RABGEF1: variants seen among roughly 807,000 people sequenced by gnomAD.
RABGEF1 encodes the protein rab5 GDP/GTP exchange factor.
In RABGEF1, 26 loss-of-function variants were observed where a neutral mutation model predicts 57.3. That is an observed-to-expected ratio of 0.45 (90% CI 0.33 to 0.63). RABGEF1 has a LOEUF of 0.63. Among genes scored for constraint, RABGEF1 ranks in the 20% least tolerant of loss-of-function variants. The pLI, the probability that RABGEF1 is intolerant of heterozygous loss-of-function variation, is 0.02. For missense variants in RABGEF1, 464 were observed against 607.6 expected, an observed-to-expected ratio of 0.76 and a Z score of 2.48; for synonymous variants, 185 against 210.7, an observed-to-expected ratio of 0.88 and a Z score of 1.06.
At chr7:66,731,553 C>T (rs1797318144) in intron 2 of RABGEF1, among the ~76,000 whole-genome samples, 2 of 150,570 alleles carry the variant, frequency 1.3e-5, no homozygotes, top group South Asian at 4.2e-4. Context: ...CCTGTCTCTC[C>T]AGAAAAAAAA....
intron 1 of RABGEF1, among the ~76,000 whole-genome samples, chr7:66,742,661 C>G (rs913893874): frequency 3.3e-5 from 5 of 152,144 alleles, no homozygotes; most frequent in African/African-American, 1.2e-4. Context: ...GGCTGGAGTA[C>G]AGTGACACGA....
intron 5 of RABGEF1, among the ~76,000 whole-genome samples, chr7:66,795,945 C>T (rs1813931014): frequency 6.6e-6 from 1 of 152,172 alleles, no homozygotes; most frequent in Non-Finnish European, 1.5e-5. Flanking sequence ...TCGAGACCAG[C>T]CTGGCCAACA....
rs1584324820 is a variant in RABGEF1, at chr7:66,809,161, C to T, written c.1353C>T (p.Asp451=). The change falls in exon 9 of 9, where the codon GAC becomes GAT. Residue 451 remains aspartate, a synonymous_variant. Transcript: ENST00000284957. Reference sequence around the variant, plus strand: ...ATGGAATTGCAAGAGAAGTTCAAGACATCGTTGAGAAATACCCACTGGAAA... The same window carrying T: ...ATGGAATTGCAAGAGAAGTTCAAGATATCGTTGAGAAATACCCACTGGAAA... The part of the protein sequence containing the change: ...WTDGIAREVQ[D]IVEKYPLEIK... 6.2e-7 allele frequency: 1 copy of T among 1,614,220 alleles called. No individual in the cohort carries two copies. The highest frequency in any genetic ancestry group is 8.5e-7 in the Non-Finnish European group (1 of 1,180,038).
At chr7:66,749,905 C>T (rs1801039689) in intron 1 of RABGEF1, among the ~76,000 whole-genome samples, 1 of 152,054 alleles carries the variant, frequency 6.6e-6, no homozygotes, top group African/African-American at 2.4e-5. Context: ...ACCTGGGAGG[C>T]GGAGCTTGCA....
At chr7:66,783,636 T>G (rs774562219) in intron 3 of RABGEF1, 39 bp from the exon 4 acceptor site, 5 of 1,533,392 alleles carry the variant, frequency 3.3e-6, no homozygotes, top group Admixed American at 4.0e-5. Flanking sequence ...CATGGATCTT[T>G]TATGTCATGA....
chr7:66,759,050 G>A, intron 1 of RABGEF1, among the ~76,000 whole-genome samples: 1 of 152,132 alleles, frequency 6.6e-6, no homozygotes, highest in Admixed American at 6.5e-5. Context: ...CAATGTATGT[G>A]TATAGTGTCA....
At chr7:66,672,658 A>T in the RABGEF1 span, among the ~76,000 whole-genome samples, 32 of 152,090 alleles carry the variant, frequency 2.1e-4, no homozygotes, top group East Asian at 6.1e-3. Flanking sequence ...TAGCTCCTTC[A>T]GTCTGACATT....
At chr7:66,701,709 A>T (rs962257930) in intron 1 of RABGEF1, among the ~76,000 whole-genome samples, 1 of 151,940 alleles carries the variant, frequency 6.6e-6, no homozygotes, top group Non-Finnish European at 1.5e-5. Context: ...AGGTTTCACC[A>T]TGTTGGCCAG....
rs112003301 is a variant in RABGEF1 at position 66,797,444 on chromosome 7, T to C, written c.666T>C (p.Tyr222=). The change falls in exon 6 of 9, where the codon TAT becomes TAC. Residue 222 remains tyrosine (Y), a synonymous_variant. Transcript: ENST00000284957. ...ACATCATGACTCGTCTCTATAAATA[T>C]GTATTCTGTCCAGAAACTACTGATG... ...EKYIMTRLYK[Y]VFCPETTDDE... 25 of 1,611,700 alleles carry C rather than the reference T, an allele frequency of 1.6e-5. 1 individual carries two copies. Among genetic ancestry groups the C allele is most frequent in the African/African-American group, 1.1e-4 (8 of 74,962 alleles).
intron 4 of RABGEF1, among the ~76,000 whole-genome samples, chr7:66,784,106 G>A (rs1810595408): frequency 6.6e-6 from 1 of 152,162 alleles, no homozygotes; most frequent in Non-Finnish European, 1.5e-5. Flanking sequence ...TTAGTAACAG[G>A]CCTTTTTGAC....
chr7:66,756,067 A>T (rs1354377576), intron 1 of RABGEF1: 1 of 1,505,074 alleles, frequency 6.6e-7, no homozygotes, highest in South Asian at 1.3e-5. Context: ...TGGCGTCTTC[A>T]TACCATGAAG....
chr7:66,673,836 A>G, the RABGEF1 span, among the ~76,000 whole-genome samples: 1 of 151,986 alleles, frequency 6.6e-6, no homozygotes, highest in Non-Finnish European at 1.5e-5. Flanking sequence ...CTATGATTGC[A>G]CCACTGCCCT....
intron 7 of RABGEF1, among the ~76,000 whole-genome samples, chr7:66,804,677 G>T (rs1479802346): frequency 6.6e-6 from 1 of 150,626 alleles, no homozygotes; most frequent in Non-Finnish European, 1.5e-5. Context: ...GGAGGTTGCA[G>T]TGAGCAGAGA....
chr7:66,668,311 G>A, the RABGEF1 span, among the ~76,000 whole-genome samples: 377 of 152,280 alleles, frequency 2.5e-3, 6 homozygotes, highest in African/African-American at 7.9e-3. Flanking sequence ...TGCCCAGGCT[G>A]ATCTCGAACT....
the RABGEF1 span, chr7:66,667,605 C>CT: frequency 6.6e-6 from 1 of 152,310 alleles, no homozygotes; most frequent in Non-Finnish European, 1.5e-5. Context: ...TCTGGTTTTA[C>CT]TTTCTGTAAG....
At position 66,797,450 on chromosome 7, in the gene RABGEF1, C is replaced by T. The variant is rs147167945; in HGVS notation, c.672C>T (p.Phe224=). 2.4e-5 allele frequency: 38 copies of T among 1,611,410 alleles called. No individual in the cohort carries two copies. The highest frequency in any genetic ancestry group is 5.0e-5 in the Admixed American group (3 of 59,874). ...TGACTCGTCTCTATAAATATGTATT[C>T]TGTCCAGAAACTACTGATGATGAGA... ...YIMTRLYKYV[F]CPETTDDEKK... Residue 224 remains phenylalanine (F), a synonymous_variant, in exon 6 of 9, where the codon TTC becomes TTT. Coordinates refer to ENST00000284957, the MANE Select transcript of RABGEF1 (RefSeq NM_014504.3).
chr7:66,661,253 C>G, the RABGEF1 span, among the ~76,000 whole-genome samples: 3 of 144,886 alleles, frequency 2.1e-5, no homozygotes, highest in Admixed American at 1.4e-4. Context: ...CAGCCGAGAT[C>G]GTGCCACTGC....
intron 2 of RABGEF1, among the ~76,000 whole-genome samples, chr7:66,733,054 C>G (rs139942660): frequency 7.9e-5 from 12 of 152,180 alleles, no homozygotes; most frequent in Non-Finnish European, 1.5e-5. Flanking sequence ...TCCTTAGCCG[C>G]GTAGTCAAGG....
chr7:66,655,261 G>A, the RABGEF1 span, among the ~76,000 whole-genome samples: 1 of 152,204 alleles, frequency 6.6e-6, no homozygotes, highest in Non-Finnish European at 1.5e-5. Flanking sequence ...CGAACCGTCT[G>A]GGAGGAGAGC....
Sources: allele counts gnomAD v4.1 joint callset (sites outside exome capture counted in the v4.1 genomes callset), GRCh38; gene constraint gnomAD v4.1.1; transcripts MANE v1.5; gene names NCBI Gene and HGNC (gene_info 2026-07-23, HGNC 2026-07-21).